VPS72: variants seen among roughly 807,000 people sequenced by gnomAD.
VPS72 encodes vacuolar protein sorting-associated protein 72 homolog.
VPS72 carries 27 observed loss-of-function variants against 38.9 expected under a neutral mutation model. The observed-to-expected ratio is 0.69, with a 90% CI of 0.51 to 0.96. The LOEUF is 0.96. VPS72 is among the 40% of genes least tolerant of loss of function. VPS72 has a pLI of 0.00. For missense variants in VPS72, 360 were observed against 479.5 expected, an observed-to-expected ratio of 0.75 and a Z score of 2.33; for synonymous variants, 173 against 186.3, an observed-to-expected ratio of 0.93 and a Z score of 0.58.
chr1:151,176,770 G>T lies in VPS72; in HGVS notation c.969C>A (p.Tyr323Ter), dbSNP rs1474735175. 1 of 1,614,230 alleles carries T rather than the reference G, an allele frequency of 6.2e-7. No homozygotes were observed. Among genetic ancestry groups the T allele is most frequent in the Admixed American group, 1.7e-5 (1 of 60,024 alleles). The part of the protein sequence containing the change: ...ARAFKIIREA[Y>*]KKYITAHGLP... ...GTCCATGGGCAGTAATGTACTTCTTGTAAGCCTCACGAATGATCTTGAAGG... is the reference window on the plus strand; with the variant it reads ...GTCCATGGGCAGTAATGTACTTCTTTTAAGCCTCACGAATGATCTTGAAGG... Residue 323 changes from tyrosine to a stop codon, truncating the protein, a stop_gained, in exon 6 of 6, where the codon TAC becomes TAA. Coordinates refer to ENST00000368892, the MANE Select transcript of VPS72 (RefSeq NM_005997.3). LOFTEE classifies it high-confidence loss of function.
chr1:151,186,850 A>G (rs1684362578), intron 1 of VPS72, among the ~76,000 whole-genome samples: 1 of 152,238 alleles, frequency 6.6e-6, no homozygotes, highest in African/African-American at 2.4e-5. Context: ...GTTGCATTCC[A>G]TTTATGGAGA....
rs111263505 is a variant in VPS72 at position 151,179,316 on chromosome 1, T to C, written c.563-1171A>G. On this transcript the variant is annotated intron_variant, in intron 4 of 5. Transcript: ENST00000368892. ...ATTTTAAAAATTTAAAAAAAAGGGCTGGGCTTTTTTTGGTGGCTCACACCT... is the reference window on the plus strand; with the variant it reads ...ATTTTAAAAATTTAAAAAAAAGGGCCGGGCTTTTTTTGGTGGCTCACACCT... Among the ~76,000 whole-genome samples, 1,209 of 149,308 alleles carry C rather than the reference T, an allele frequency of 8.1e-3. 11 individuals are homozygous for C. Among genetic ancestry groups the C allele is most frequent in the African/African-American group, 0.017 (668 of 40,476 alleles).
At chr1:151,187,590 A>G (rs758669482) in intron 1 of VPS72, among the ~76,000 whole-genome samples, 5 of 152,236 alleles carry the variant, frequency 3.3e-5, no homozygotes, top group Non-Finnish European at 7.3e-5. Flanking sequence ...GAGAGTCATT[A>G]AGAGACATCA....
In VPS72 at chr1:151,184,898, A is replaced by C. The variant is rs117136402; in HGVS notation, c.386-405T>G. On this transcript the variant is annotated intron_variant, in intron 3 of 5. Transcript: ENST00000368892. ...CCGTGCCTGGCCTGAAATAATTTCA[A>C]ACCTACGAAGTTGCAAGAATAGTAC... Among the ~76,000 whole-genome samples, 198 of 152,106 alleles carry C rather than the reference A, an allele frequency of 1.3e-3. 4 individuals are homozygous for C. The East Asian group carries it at 0.036, about 28-fold the overall frequency.
intron 1 of VPS72, 115 bp downstream of exon 1, chr1:151,189,890 T>G: frequency 8.3e-7 from 1 of 1,203,244 alleles, no homozygotes. Flanking sequence ...CCAACTCGAG[T>G]ATCAGCTCCC....
Position 151,185,557 on chromosome 1 carries a change from G to A in VPS72, c.334C>T (p.Arg112Ter), listed in dbSNP as rs1268145999. The change falls in exon 3 of 6, where the codon CGA becomes TGA. Residue 112 changes from arginine (R) to a stop codon, truncating the protein, a stop_gained. Coordinates refer to ENST00000368892, the MANE Select transcript of VPS72 (RefSeq NM_005997.3). LOFTEE classifies it high-confidence loss of function. ...AATGGCAGTAGTGCCTTCTCTTCTCGCGCCTTCTGAGAGCTACCAGCCGGG... is the reference window on the plus strand; with the variant it reads ...AATGGCAGTAGTGCCTTCTCTTCTCACGCCTTCTGAGAGCTACCAGCCGGG... ...NTPAGSSQKA[R>*]EEKALLPLEL... 8.1e-6 allele frequency: 13 copies of A among 1,613,974 alleles called. No homozygotes were observed. The highest frequency in any genetic ancestry group is 2.7e-5 in the African/African-American group (2 of 74,898).
Position 151,183,271 on chromosome 1 carries a change from A to C in VPS72, c.562+1046T>G, listed in dbSNP as rs587753628. ...ACCCCATCTCAACTAAAAATACAAA[A>C]AAATTAGCTGGGCATGGTGGCGGGC... is the stretch of plus-strand genomic sequence containing the variant. On this transcript the variant is annotated intron_variant, in intron 4 of 5. Coordinates refer to ENST00000368892, the MANE Select transcript of VPS72 (RefSeq NM_005997.3). Among the ~76,000 whole-genome samples the C allele has an allele frequency of 6.3e-4, 95 of 151,540 alleles. 1 individual carries two copies. Among genetic ancestry groups the C allele is most frequent in the African/African-American group, 2.2e-3 (91 of 41,368 alleles).
chr1:151,184,603 T>C lies in VPS72; in HGVS notation c.386-110A>G, dbSNP rs1164846489. 5 of 1,146,144 alleles carry C rather than the reference T, an allele frequency of 4.4e-6. No individual in the cohort carries two copies. In the South Asian group the frequency reaches 5.2e-5, roughly 12 times the overall value. 71.0% of individuals were successfully genotyped at this position (1,146,144 alleles called of 1,614,324 possible). The stretch of plus-strand genomic sequence containing the variant: ...TAATTTTTTTTTCTTTTTTTTTTTT[T>C]GAGATGGAATCTCGCTCTGTCGCCC... On this transcript the variant is annotated intron_variant, in intron 3 of 5. Coordinates refer to ENST00000368892, the MANE Select transcript of VPS72 (RefSeq NM_005997.3).
intron 1 of VPS72, 145 bp from the exon 2 acceptor site, chr1:151,186,095 T>G: frequency 1.9e-6 from 2 of 1,054,002 alleles, no homozygotes; most frequent in Non-Finnish European, 2.7e-6. Flanking sequence ...GCAAGAAAAC[T>G]TTCTAGCTAA....
chr1:151,187,713 G>C (rs887411847), intron 1 of VPS72, among the ~76,000 whole-genome samples: 1 of 152,168 alleles, frequency 6.6e-6, no homozygotes, highest in Non-Finnish European at 1.5e-5. Context: ...TGTGTCTCTT[G>C]AAGAACTTGT....
chr1:151,189,457 T>A (rs16833052), intron 1 of VPS72, among the ~76,000 whole-genome samples: 9 of 152,166 alleles, frequency 5.9e-5, no homozygotes, highest in African/African-American at 2.2e-4. Context: ...TAATTGCAAA[T>A]TGAAATATGT....
chr1:151,189,329 A>C (rs1684413632), intron 1 of VPS72, among the ~76,000 whole-genome samples: 1 of 152,260 alleles, frequency 6.6e-6, no homozygotes, highest in African/African-American at 2.4e-5. Context: ...ATAAAAATTT[A>C]GCAAGTGGCA....
intron 2 of VPS72, 84 bp downstream of exon 2, chr1:151,185,714 G>A: frequency 6.2e-7 from 1 of 1,608,498 alleles, no homozygotes; most frequent in Non-Finnish European, 8.5e-7. Flanking sequence ...GCCAGAAATG[G>A]AAGTGGCATA....
chr1:151,184,097 T>C (rs1684295745), intron 4 of VPS72, among the ~76,000 whole-genome samples: 1 of 152,236 alleles, frequency 6.6e-6, no homozygotes, highest in South Asian at 2.1e-4. Flanking sequence ...ACCTCAGTTC[T>C]ATACAACTCT....
intron 4 of VPS72, among the ~76,000 whole-genome samples, chr1:151,179,301 T>A (rs1351319687): frequency 6.8e-6 from 1 of 146,856 alleles, no homozygotes. Flanking sequence ...ATTTTAAAAA[T>A]TTAAAAAAAA....
At position 151,185,580 on chromosome 1, in the gene VPS72, G is replaced by A. The variant is rs777230167; in HGVS notation, c.311C>T (p.Pro104Leu). The A allele has an allele frequency of 1.4e-5, 22 of 1,614,006 alleles. No individual in the cohort carries two copies. Among genetic ancestry groups the A allele is most frequent in the East Asian group, 6.7e-5 (3 of 44,906 alleles). The change falls in exon 3 of 6, where the codon CCG becomes CTG. Residue 104 changes from proline (P) to leucine (L), a missense_variant. By Grantham distance (98) the Pro-to-Leu change is moderately conservative (BLOSUM62 -3). Transcript: ENST00000368892. ...KSLRPRKVNT[P>L]AGSSQKAREE... is the part of the protein sequence containing the mutation. ...TCGCGCCTTCTGAGAGCTACCAGCC[G>A]GGGTGTTGACCTTTCGAGGCCTTAA...
chr1:151,177,182 C>G (rs938286560), intron 5 of VPS72, 151 bp from the exon 6 acceptor site: 1 of 741,332 alleles, frequency 1.3e-6, no homozygotes. Context: ...GTCAGGAGTT[C>G]GAGACCAGCC....
At position 151,184,533 on chromosome 1, in the gene VPS72, G is replaced by A. The variant is rs2101727655; in HGVS notation, c.386-40C>T. ...GATAAGAAGAAATCTTTGAATTCAT[G>A]TCCACATATTTTATTTATTTATTTT... On this transcript the variant is annotated intron_variant, in intron 3 of 5. Coordinates refer to ENST00000368892, the MANE Select transcript of VPS72 (RefSeq NM_005997.3). The A allele has an allele frequency of 3.3e-6, 5 of 1,515,660 alleles. No homozygotes were observed. The East Asian group carries it at 7.0e-5, about 21-fold the overall frequency. The allele number at this position is 1,515,660 out of a possible 1,614,324, so 93.9% of individuals were successfully genotyped here.
At chr1:151,185,199 T>C (rs1218750862) in intron 3 of VPS72, among the ~76,000 whole-genome samples, 1 of 151,946 alleles carries the variant, frequency 6.6e-6, no homozygotes, top group East Asian at 1.9e-4. Flanking sequence ...TGGAGTGCAA[T>C]GGTGTAACCT....
Sources: gnomAD v4.1 joint callset for allele counts (sites outside exome capture counted in the v4.1 genomes callset) on GRCh38, gnomAD v4.1.1 for gene constraint, MANE v1.5 for transcripts, NCBI Gene and HGNC (gene_info 2026-07-23, HGNC 2026-07-21) for gene names.